DCT: variants seen among roughly 807,000 people sequenced by gnomAD.
DCT encodes the protein dopachrome tautomerase, also known as L-dopachrome tautomerase.
In DCT, 47 loss-of-function variants were observed where a neutral mutation model predicts 53.0. The observed-to-expected ratio is 0.89, with a 90% CI of 0.70 to 1.13. The LOEUF (loss-of-function observed/expected upper bound fraction) is 1.13, where lower values mean the gene tolerates loss of function less well. Ranked by LOEUF, DCT falls within the 50% of genes most tolerant of loss-of-function variation. The pLI, the probability that DCT is intolerant of heterozygous loss-of-function variation, is 0.00. For synonymous variants in DCT, 244 were observed against 237.0 expected (o/e 1.03, Z -0.27); for missense variants, 669 against 637.4 (o/e 1.05, Z -0.53).
At chr13:94,534,840 C>G in the DCT span, among the ~76,000 whole-genome samples, 6 of 152,210 alleles carry the variant, frequency 3.9e-5, no homozygotes, top group Non-Finnish European at 5.9e-5. Flanking sequence ...AAGATAATTT[C>G]CCCAACATCA....
At chr13:94,453,802 A>G (rs1164796101) in intron 6 of DCT, among the ~76,000 whole-genome samples, 3 of 152,220 alleles carry the variant, frequency 2.0e-5, no homozygotes, top group African/African-American at 7.2e-5. Context: ...ACCTTCCACC[A>G]TGATCGTGAG....
rs56301019 is a variant in DCT at position 94,455,381 on chromosome 13, TAGAGAG to T, written c.1179+4704_1179+4709del. 2.9e-3 allele frequency among the ~76,000 whole-genome samples: 418 copies of T among 141,760 alleles called. 6 individuals carry two copies. In the South Asian group the frequency reaches 0.064, roughly 22 times the overall value. 93.0% of individuals were successfully genotyped at this position (141,760 alleles called of 152,430 possible). Reference sequence around the variant, plus strand: ...TGGGCAACAGAGAGAGACTGTCTCTTAGAGAGAGAGAGAGAGAGAGAGAGAGAGAGA... The same window carrying T: ...TGGGCAACAGAGAGAGACTGTCTCTTAGAGAGAGAGAGAGAGAGAGAGAGA... On this transcript the variant is annotated intron_variant, in intron 6 of 7. Transcript: ENST00000377028.
upstream of DCT, among the ~76,000 whole-genome samples, chr13:94,480,575 A>C (rs905631373): frequency 1.3e-5 from 2 of 152,210 alleles, no homozygotes; most frequent in Admixed American, 1.3e-4. Context: ...AGGTGAAACA[A>C]TTATATAGGT....
chr13:94,466,524 A>T (rs1884230981), intron 3 of DCT, 34 bp downstream of exon 3: 5 of 1,440,316 alleles, frequency 3.5e-6, no homozygotes, highest in African/African-American at 1.4e-5. Flanking sequence ...TTTTTTAAAA[A>T]ATTAAAAGAA....
At chr13:94,505,191 T>C in the DCT span, among the ~76,000 whole-genome samples, 1 of 151,070 alleles carries the variant, frequency 6.6e-6, no homozygotes, top group Non-Finnish European at 1.5e-5. Flanking sequence ...ACACTAGATC[T>C]GGTATCCTGG....
intron 2 of DCT, chr13:94,467,954 C>T (rs907664288): frequency 2.0e-5 from 3 of 152,066 alleles, no homozygotes; most frequent in African/African-American, 7.2e-5. Context: ...TTTCCTTTGA[C>T]TGAAAAATAA....
chr13:94,455,123 C>T (rs765194808), intron 6 of DCT, among the ~76,000 whole-genome samples: 8 of 152,074 alleles, frequency 5.3e-5, no homozygotes, highest in Non-Finnish European at 1.2e-4. Flanking sequence ...TATGGTGACT[C>T]ACCCAGTGCT....
At position 94,466,658 on chromosome 13, in the gene DCT, C is replaced by A; in HGVS notation, c.596G>T (p.Gly199Val). The A allele has an allele frequency of 3.1e-6, 5 of 1,587,492 alleles. No homozygotes were observed. Among genetic ancestry groups the A allele is most frequent in the Non-Finnish European group, 3.4e-6 (4 of 1,168,184 alleles). Residue 199 changes from glycine (G) to valine (V), a missense_variant and splice_region_variant, in exon 3 of 8, where the codon GGA becomes GTA. Coordinates refer to ENST00000377028, the MANE Select transcript of DCT (RefSeq NM_001922.5). ...TATGGCCCTGTAGGGGCGTCCTGGT[C>A]CTGAAACAATTGGGAAACATATTAG... ...HYYSVRDTLLGPGRPYRAIDF... is the reference protein window; with the variant it reads ...HYYSVRDTLLVPGRPYRAIDF...
At chr13:94,465,845 T>G (rs771395517) in intron 3 of DCT, 46 bp from the exon 4 acceptor site, 4 of 1,560,288 alleles carry the variant, frequency 2.6e-6, no homozygotes, top group African/African-American at 1.4e-5. Flanking sequence ...TGCCATCAGA[T>G]ACAACAAGAA....
At chr13:94,474,173 C>T (rs561180594) in intron 1 of DCT, among the ~76,000 whole-genome samples, 1 of 152,210 alleles carries the variant, frequency 6.6e-6, no homozygotes, top group African/African-American at 2.4e-5. Flanking sequence ...TAATATCAAT[C>T]TATCGACCAT....
In DCT at chr13:94,465,687, G is replaced by T; in HGVS notation, c.809C>A (p.Pro270Gln). Residue 270 changes from proline (P) to glutamine (Q), a missense_variant, in exon 4 of 8, where the codon CCG (proline) becomes CAG (glutamine). By Grantham distance (76) the Pro-to-Gln change is moderately conservative (BLOSUM62 -1). Transcript: ENST00000377028. ...TCTTGAGTTCCGACTAATCAGAGTCGGATCGTCTGGTCTCGCTGCCCCAAA... is the reference window on the plus strand; with the variant it reads ...TCTTGAGTTCCGACTAATCAGAGTCTGATCGTCTGGTCTCGCTGCCCCAAA... ...QLFGAARPDD[P>Q]TLISRNSRFS... 1 of 1,613,428 alleles carries T rather than the reference G, an allele frequency of 6.2e-7. No individual in the cohort carries two copies. The highest frequency in any genetic ancestry group is 8.5e-7 in the Non-Finnish European group (1 of 1,179,836).
chr13:94,477,660 T>TAA (rs35869304), intron 1 of DCT, among the ~76,000 whole-genome samples: 54,950 of 150,770 alleles, frequency 0.36, 10,229 homozygotes, highest in Non-Finnish European at 0.4. Context: ...AAGTTAAAAT[T>TAA]AAAAAAAAAA....
At chr13:94,482,967 A>G (rs894542979), upstream of DCT, among the ~76,000 whole-genome samples, 1 of 152,124 alleles carries the variant, frequency 6.6e-6, no homozygotes, top group African/African-American at 2.4e-5. Flanking sequence ...GGGTGAGGAA[A>G]TTCTTCCTTT....
chr13:94,450,361 C>T lies in DCT; in HGVS notation c.1180-6724G>A, dbSNP rs112805235. On this transcript the variant is annotated intron_variant, in intron 6 of 7. Coordinates refer to ENST00000377028, the MANE Select transcript of DCT (RefSeq NM_001922.5). ...CAATAATAGCATCTTCCAGGCAGGG[C>T]GCAGCAAGGATGGTGCTATAATTTT... Among the ~76,000 whole-genome samples, 1,480 of 152,200 alleles carry T rather than the reference C, an allele frequency of 9.7e-3. 38 individuals carry two copies. Among genetic ancestry groups the T allele is most frequent in the African/African-American group, 0.033 (1,385 of 41,538 alleles).
the DCT span, among the ~76,000 whole-genome samples, chr13:94,549,107 C>T: frequency 1.3e-5 from 2 of 152,258 alleles, no homozygotes; most frequent in Non-Finnish European, 2.9e-5. Context: ...ACCCCAGGGC[C>T]AGACCCAGGG....
Position 94,458,167 on chromosome 13 carries a change from A to G in DCT, c.1179+1924T>C, listed in dbSNP as rs117674895. On this transcript the variant is annotated intron_variant, in intron 6 of 7. Transcript: ENST00000377028. ...AACCTCAGTCTAGTCTGCCCCATAT[A>G]CAGACATAATCACTCTATCAAGATA... 1.7e-3 allele frequency among the ~76,000 whole-genome samples: 264 copies of G among 152,252 alleles called. 1 individual carries two copies. The highest frequency in any genetic ancestry group is 3.5e-3 in the Admixed American group (53 of 15,296).
At chr13:94,518,508 A>G in the DCT span, among the ~76,000 whole-genome samples, 2 of 152,160 alleles carry the variant, frequency 1.3e-5, no homozygotes, top group African/African-American at 2.4e-5. Flanking sequence ...AGAATCCTTG[A>G]CGTTTTTCTT....
chr13:94,492,576 T>C, the DCT span, among the ~76,000 whole-genome samples: 1 of 152,236 alleles, frequency 6.6e-6, no homozygotes, highest in Non-Finnish European at 1.5e-5. Context: ...GACTATTACT[T>C]GGACTACAGG....
chr13:94,450,423 C>A (rs151210998), intron 6 of DCT, among the ~76,000 whole-genome samples: 1,869 of 152,224 alleles, frequency 0.012, 36 homozygotes, highest in African/African-American at 0.042. Context: ...TTTTATAGCA[C>A]CCTGGGCAGG....
Sources: gnomAD v4.1 joint callset for allele counts (sites outside exome capture counted in the v4.1 genomes callset) on GRCh38, gnomAD v4.1.1 for gene constraint, MANE v1.5 for transcripts, NCBI Gene and HGNC (gene_info 2026-07-23, HGNC 2026-07-21) for gene names.